Variants in VAPA observed in about 807,000 individuals in gnomAD.
The protein encoded by VAPA is vesicle-associated membrane protein-associated protein A.
Under a neutral mutation model 25.6 loss-of-function variants are expected in VAPA, and 6 were observed. That is an observed-to-expected ratio of 0.23 (90% CI 0.13 to 0.46). The LOEUF is 0.46. VAPA is among the 20% of genes least tolerant of loss of function. The pLI, the probability that VAPA is intolerant of heterozygous loss-of-function variation, is 0.99. For synonymous variants in VAPA, 112 were observed against 106.2 expected, an observed-to-expected ratio of 1.05 and a Z score of -0.34; for missense variants, 244 against 302.1, an observed-to-expected ratio of 0.81 and a Z score of 1.43.
chr18:9,943,503 C>T (rs921028572), intron 4 of VAPA, among the ~76,000 whole-genome samples: 9 of 152,120 alleles, frequency 5.9e-5, no homozygotes, highest in African/African-American at 2.2e-4. Flanking sequence ...GAGTTGTTGT[C>T]AGTGCTAGTA....
At chr18:9,939,586 C>G (rs1319255126) in intron 4 of VAPA, among the ~76,000 whole-genome samples, 2 of 151,032 alleles carry the variant, frequency 1.3e-5, no homozygotes, top group African/African-American at 4.9e-5. Flanking sequence ...ATAGACTTTC[C>G]CACAGAATTG....
intron 5 of VAPA, among the ~76,000 whole-genome samples, chr18:9,952,196 C>T (rs529616989): frequency 1.6e-4 from 24 of 152,238 alleles, no homozygotes; most frequent in Admixed American, 1.5e-3. Context: ...AGACTTTATT[C>T]CTGGTTTCTA....
At chr18:9,930,271 C>T (rs2069240309) in intron 1 of VAPA, among the ~76,000 whole-genome samples, 2 of 151,978 alleles carry the variant, frequency 1.3e-5, no homozygotes, top group African/African-American at 2.4e-5. Flanking sequence ...TGTGACATGT[C>T]TTTTTGTCAT....
chr18:9,914,794 A>C (rs1599092698), intron 1 of VAPA: 1 of 152,242 alleles, frequency 6.6e-6, no homozygotes, highest in East Asian at 1.9e-4. Flanking sequence ...GAGGTGGCGC[A>C]AGCTGCGTCT....
At chr18:9,931,618 T>A (rs2069255725) in intron 1 of VAPA, among the ~76,000 whole-genome samples, 192 bp from the exon 2 acceptor site, 1 of 152,212 alleles carries the variant, frequency 6.6e-6, no homozygotes, top group South Asian at 2.1e-4. Flanking sequence ...ATACAGGGAA[T>A]GAAGAAGAAA....
intron 1 of VAPA, among the ~76,000 whole-genome samples, chr18:9,922,168 C>T (rs537106027): frequency 1.3e-5 from 2 of 152,128 alleles, no homozygotes; most frequent in African/African-American, 4.8e-5. Context: ...GACAGTCTTG[C>T]TATTTTGCCC....
chr18:9,932,282 T>C (rs2069263330), intron 2 of VAPA, among the ~76,000 whole-genome samples: 1 of 152,230 alleles, frequency 6.6e-6, no homozygotes, highest in Non-Finnish European at 1.5e-5. Context: ...TGATGGGTCA[T>C]TCTCCTTCAG....
At chr18:9,950,778 C>G (rs948951074) in intron 5 of VAPA, 6 of 520,176 alleles carry the variant, frequency 1.2e-5, no homozygotes, top group Admixed American at 1.1e-4. Flanking sequence ...AGCACACATT[C>G]TAATTATTTG....
intron 4 of VAPA, 164 bp from the exon 5 acceptor site, chr18:9,950,231 G>A: frequency 1.6e-6 from 1 of 628,880 alleles, no homozygotes; most frequent in South Asian, 2.0e-5. Context: ...GGGAATAGAG[G>A]GAGTGGGCTG....
At chr18:9,920,095 G>A (rs945029386) in intron 1 of VAPA, among the ~76,000 whole-genome samples, 1 of 152,240 alleles carries the variant, frequency 6.6e-6, no homozygotes, top group Non-Finnish European at 1.5e-5. Flanking sequence ...GGATGAGGAC[G>A]AAATGCATCT....
At position 9,954,426 on chromosome 18, in the gene VAPA, A is replaced by G; in HGVS notation, c.*215A>G. ...TGGACAGGTTGTATATTACCAGATC[A>G]TCACTAGCAGATGTCAGTTGCACAT... On this transcript the variant is annotated 3_prime_UTR_variant, in exon 6 of 6. Coordinates refer to ENST00000400000, the MANE Select transcript of VAPA (RefSeq NM_194434.3). 1 of 468,322 alleles carries G rather than the reference A, an allele frequency of 2.1e-6. No individual in the cohort carries two copies. The highest frequency in any genetic ancestry group is 2.0e-5 in the African/African-American group (1 of 49,684). The allele number at this position is 468,322 out of a possible 1,614,324, so 29.0% of individuals were successfully genotyped here.
intron 4 of VAPA, 156 bp from the exon 5 acceptor site, chr18:9,950,239 C>T (rs2069474581): frequency 6.0e-6 from 4 of 668,584 alleles, no homozygotes; most frequent in Middle Eastern, 8.3e-4. Flanking sequence ...AGGGAGTGGG[C>T]TGGTTATTTA....
In VAPA at chr18:9,914,104, C is replaced by T. The variant is rs11555208; in HGVS notation, c.-153C>T. Reference sequence around the variant, plus strand: ...AGCTGCTGACCCAGCGGGTGGCCCACCGAACCGGTGACACAGCGGCAGGCG... The same window carrying T: ...AGCTGCTGACCCAGCGGGTGGCCCATCGAACCGGTGACACAGCGGCAGGCG... On this transcript the variant is annotated 5_prime_UTR_variant, in exon 1 of 6. Transcript: ENST00000400000. 13 of 592,204 alleles carry T rather than the reference C, an allele frequency of 2.2e-5. No individual in the cohort carries two copies. In the Admixed American group the frequency reaches 5.2e-4, roughly 24 times the overall value. 36.7% of individuals were successfully genotyped at this position (592,204 alleles called of 1,614,324 possible).
At chr18:9,942,360 A>G (rs568364450) in intron 4 of VAPA, among the ~76,000 whole-genome samples, 119 of 152,290 alleles carry the variant, frequency 7.8e-4, no homozygotes, top group Middle Eastern at 3.4e-3. Flanking sequence ...CAGATTCTGC[A>G]ATAGCTATCA....
chr18:9,918,948 G>A (rs150454916), intron 1 of VAPA, among the ~76,000 whole-genome samples: 1 of 152,112 alleles, frequency 6.6e-6, no homozygotes, highest in African/African-American at 2.4e-5. Context: ...TCAACCTGGA[G>A]TGCAGTGGCA....
intron 4 of VAPA, among the ~76,000 whole-genome samples, chr18:9,944,242 A>G (rs1004880922): frequency 2.0e-5 from 3 of 152,062 alleles, no homozygotes; most frequent in African/African-American, 7.2e-5. Flanking sequence ...GGTCTTATAA[A>G]GGGATTTCAG....
At chr18:9,948,870 CTCTT>C (rs2069455595) in intron 4 of VAPA, 2 of 152,212 alleles carry the variant, frequency 1.3e-5, no homozygotes, top group Admixed American at 6.5e-5. Context: ...CTGCTTCATC[CTCTT>C]TAAGTTTTTA....
At chr18:9,921,011 T>C (rs1366480767) in intron 1 of VAPA, among the ~76,000 whole-genome samples, 2 of 152,226 alleles carry the variant, frequency 1.3e-5, no homozygotes, top group South Asian at 2.1e-4. Context: ...ACTTTCACAT[T>C]AGATAGTAGT....
At chr18:9,927,640 T>A (rs1395377805) in intron 1 of VAPA, among the ~76,000 whole-genome samples, 11 of 152,094 alleles carry the variant, frequency 7.2e-5, no homozygotes, top group Admixed American at 5.2e-4. Flanking sequence ...TGGAAAAATG[T>A]TTTTAGGCAA....
Sources: allele counts gnomAD v4.1 joint callset (sites outside exome capture counted in the v4.1 genomes callset), GRCh38; gene constraint gnomAD v4.1.1; transcripts MANE v1.5; gene names NCBI Gene and HGNC (gene_info 2026-07-23, HGNC 2026-07-21).